IGF1R: variants seen among roughly 807,000 people sequenced by gnomAD.
The protein encoded by IGF1R is insulin like growth factor 1 receptor.
A neutral mutation model predicts 144.6 loss-of-function variants in IGF1R; 44 were observed. The observed-to-expected ratio is 0.30, with a 90% confidence interval of 0.24 to 0.39. The LOEUF (loss-of-function observed/expected upper bound fraction) is 0.39, where lower values mean the gene tolerates loss of function less well. IGF1R is among the 10% of genes least tolerant of loss of function. The probability of loss-of-function intolerance (pLI) is 1.00; values close to 1 mark genes in which losing one functional copy is unlikely to be tolerated. For missense variants in IGF1R, 1,355 were observed against 1,833.7 expected, an observed-to-expected ratio of 0.74 and a Z score of 4.77; for synonymous variants, 795 against 722.8, an observed-to-expected ratio of 1.10 and a Z score of -1.60.
intron 2 of IGF1R, among the ~76,000 whole-genome samples, chr15:98,772,067 C>G (rs1225415283): frequency 6.6e-6 from 1 of 152,126 alleles, no homozygotes; most frequent in Non-Finnish European, 1.5e-5. Context: ...AGTTCTCATA[C>G]ACACACTGGC....
At chr15:98,701,114 C>CTATTA (rs1431469452) in intron 1 of IGF1R, among the ~76,000 whole-genome samples, 3 of 151,904 alleles carry the variant, frequency 2.0e-5, no homozygotes, top group Admixed American at 6.6e-5. Flanking sequence ...GAGTAAAGAA[C>CTATTA]TACTATAGTA....
chr15:98,884,982 G>A (rs1399833297), intron 2 of IGF1R, among the ~76,000 whole-genome samples: 2 of 152,080 alleles, frequency 1.3e-5, no homozygotes, highest in Non-Finnish European at 2.9e-5. Flanking sequence ...CTTCAGTCAT[G>A]CTGAGGTTGT....
At chr15:98,832,898 A>C (rs1284812442) in intron 2 of IGF1R, among the ~76,000 whole-genome samples, 1 of 152,198 alleles carries the variant, frequency 6.6e-6, no homozygotes, top group Non-Finnish European at 1.5e-5. Flanking sequence ...TTACCAGCTT[A>C]ATTGCTTTAG....
rs1438781160 is a variant in IGF1R, at chr15:98,962,005, A to C, written c.*4563A>C. ...TTTGGGATAAAAGATTTATGAGCCA[A>C]CTATTCTCTGGCACCAGATTCTAGG... On this transcript the variant is annotated 3_prime_UTR_variant, in exon 21 of 21. Coordinates refer to ENST00000650285, the MANE Select transcript of IGF1R (RefSeq NM_000875.5). 4 of 233,350 alleles carry C rather than the reference A, an allele frequency of 1.7e-5. No individual in the cohort carries two copies. The highest frequency in any genetic ancestry group is 8.8e-5 in the African/African-American group (4 of 45,484). The allele number at this position is 233,350 out of a possible 1,614,324, so 14.5% of individuals were successfully genotyped here.
chr15:98,868,160 T>G (rs1038855260), intron 2 of IGF1R, among the ~76,000 whole-genome samples: 1 of 151,764 alleles, frequency 6.6e-6, no homozygotes, highest in African/African-American at 2.4e-5. Context: ...GCACTCCAGC[T>G]GGGGCAAAAG....
chr15:98,956,522 T>C (rs1176626594), intron 20 of IGF1R, among the ~76,000 whole-genome samples: 1 of 152,222 alleles, frequency 6.6e-6, no homozygotes, highest in African/African-American at 2.4e-5. Flanking sequence ...AGTGCCTTCT[T>C]CCTTTGGTTG....
At chr15:98,944,486 A>G (rs1245407677) in intron 19 of IGF1R, among the ~76,000 whole-genome samples, 1 of 152,244 alleles carries the variant, frequency 6.6e-6, no homozygotes, top group Non-Finnish European at 1.5e-5. Flanking sequence ...GGCTTTGAGG[A>G]TAGCACAGGT....
At position 98,790,976 on chromosome 15, in the gene IGF1R, C is replaced by T. The variant is rs149114065; in HGVS notation, c.640+82869C>T. ...TTTGTGCTATTGTGAGATGCCTCTT[C>T]TCCAGCAAGCTGTAGTTGTTCACAA... On this transcript the variant is annotated intron_variant, in intron 2 of 20. Transcript: ENST00000650285. Among the ~76,000 whole-genome samples the T allele has an allele frequency of 3.5e-3, 539 of 152,292 alleles. 5 individuals are homozygous for T. The highest frequency in any genetic ancestry group is 0.012 in the African/African-American group (511 of 41,554).
rs190560930 is a variant in IGF1R, at chr15:98,944,384, G to T, written c.3587+1332G>T. ...TAACTACTGTGAACCAATACAAAAAGATATGTATAAACATGAATAGGCGTT... is the reference window on the plus strand; with the variant it reads ...TAACTACTGTGAACCAATACAAAAATATATGTATAAACATGAATAGGCGTT... On this transcript the variant is annotated intron_variant, in intron 19 of 20. Coordinates refer to ENST00000650285, the MANE Select transcript of IGF1R (RefSeq NM_000875.5). 1.8e-3 allele frequency among the ~76,000 whole-genome samples: 267 copies of T among 152,296 alleles called. 3 individuals carry two copies. Among genetic ancestry groups the T allele is most frequent in the African/African-American group, 5.8e-3 (242 of 41,550 alleles).
intron 5 of IGF1R, among the ~76,000 whole-genome samples, chr15:98,905,495 A>T (rs2014689133): frequency 1.3e-5 from 2 of 151,770 alleles, no homozygotes. Flanking sequence ...AGCTGTTAAA[A>T]AAAAAAAAGA....
intron 2 of IGF1R, among the ~76,000 whole-genome samples, chr15:98,711,073 T>C (rs1026244518): frequency 6.6e-6 from 1 of 152,100 alleles, no homozygotes; most frequent in Non-Finnish European, 1.5e-5. Flanking sequence ...ACACCAGGAG[T>C]TCTTCCCCTC....
chr15:98,885,984 T>C (rs2013621915), intron 2 of IGF1R, among the ~76,000 whole-genome samples: 1 of 152,132 alleles, frequency 6.6e-6, no homozygotes, highest in Admixed American at 6.5e-5. Context: ...ACCTGGCTAA[T>C]TTTTGTATTT....
intron 1 of IGF1R, among the ~76,000 whole-genome samples, chr15:98,684,687 G>A (rs2053279445): frequency 6.6e-6 from 1 of 152,166 alleles, no homozygotes; most frequent in South Asian, 2.1e-4. Flanking sequence ...TGGCCACTGG[G>A]TTGCTGTGGA....
Position 98,899,502 on chromosome 15 carries a change from C to G in IGF1R, c.1128C>G (p.Asn376Lys). 2 of 1,614,170 alleles carry G rather than the reference C, an allele frequency of 1.2e-6. No homozygotes were observed. Among genetic ancestry groups the G allele is most frequent in the South Asian group, 2.2e-5 (2 of 91,082 alleles). Residue 376 changes from asparagine (N) to lysine (K), a missense_variant, in exon 5 of 21, where the codon AAC (asparagine) becomes AAG (lysine). Physicochemically the swap from Asn to Lys is moderately conservative, Grantham distance 94 (BLOSUM62 0). Around this residue, in one of 7 missense-constraint regions of IGF1R, gnomAD observed 880 missense variants for 1,202.7 expected, o/e 0.73. Transcript: ENST00000650285. Reference protein sequence around the residue: ...RGNNIASELENFMGLIEVVTG... With the variant: ...RGNNIASELEKFMGLIEVVTG... ...ATAACATTGCTTCAGAGCTGGAGAA[C>G]TTCATGGGGCTCATCGAGGTGGTGA... is the stretch of plus-strand genomic sequence containing the variant.
Position 98,935,308 on chromosome 15 carries a change from C to G in IGF1R, c.3187-8C>G, listed in dbSNP as rs2016101119. The G allele has an allele frequency of 1.3e-6, 2 of 1,533,352 alleles. No individual in the cohort carries two copies. Among genetic ancestry groups the G allele is most frequent in the East Asian group, 4.9e-5 (2 of 40,764 alleles). The allele number at this position is 1,533,352 out of a possible 1,614,324, so 95.0% of individuals were successfully genotyped here. On this transcript the variant is annotated splice_region_variant and splice_polypyrimidine_tract_variant and intron_variant, in intron 16 of 20. Transcript: ENST00000650285. This position sits in a 1 kb window ranked among gnomAD's most constrained non-coding sequence, Gnocchi z 4.2. ...CCTCTGAGTCTTTCTCTTTTTGATT[C>G]CTCCCAGGTGCGATTGCTGGGTGTG...
chr15:98,806,594 C>T (rs1292948603), intron 2 of IGF1R, among the ~76,000 whole-genome samples: 7 of 152,074 alleles, frequency 4.6e-5, no homozygotes, highest in South Asian at 4.1e-4. Flanking sequence ...GTTACCAGGA[C>T]GCCTAAGGAA....
chr15:98,742,816 C>T (rs1253664758), intron 2 of IGF1R, among the ~76,000 whole-genome samples: 2 of 152,042 alleles, frequency 1.3e-5, no homozygotes, highest in Non-Finnish European at 2.9e-5. Context: ...GAGGCTGAGG[C>T]GGGTGGATCA....
In IGF1R at chr15:98,847,658, G is replaced by A. The variant is rs542129464; in HGVS notation, c.641-43667G>A. Among the ~76,000 whole-genome samples the A allele has an allele frequency of 7.9e-5, 12 of 152,314 alleles. 1 individual carries two copies. The South Asian group carries it at 2.5e-3, about 32-fold the overall frequency. ...ACATTAACCTTTGAGGTGCATTTTA[G>A]TTGGCTTGTGTGATGAGGCCTTTCT... is the stretch of plus-strand genomic sequence containing the variant. On this transcript the variant is annotated intron_variant, in intron 2 of 20. Coordinates refer to ENST00000650285, the MANE Select transcript of IGF1R (RefSeq NM_000875.5).
intron 1 of IGF1R, among the ~76,000 whole-genome samples, chr15:98,664,076 C>T (rs2052665906): frequency 1.3e-5 from 2 of 152,148 alleles, no homozygotes; most frequent in Admixed American, 6.5e-5. Flanking sequence ...CAAGAGACTT[C>T]CTGGGAGGGT....
Sources: allele counts gnomAD v4.1 joint callset (sites outside exome capture counted in the v4.1 genomes callset), GRCh38; gene constraint gnomAD v4.1.1; regional missense constraint gnomAD v4.1.1; non-coding constraint Gnocchi (gnomAD v3.1); transcripts MANE v1.5; gene names NCBI Gene and HGNC (gene_info 2026-07-23, HGNC 2026-07-21).